Variants in CCDC171 observed in about 807,000 individuals in gnomAD.
The protein encoded by CCDC171 is coiled-coil domain-containing protein 171.
In CCDC171, 177 loss-of-function variants were observed where a neutral mutation model predicts 168.2. The ratio of observed to expected loss-of-function variants is 1.05; its 90% CI spans 0.93 to 1.19. The LOEUF (loss-of-function observed/expected upper bound fraction) is 1.19. CCDC171 is among the 50% of genes most tolerant of loss of function. The pLI is 0.00. For missense variants in CCDC171, 1,991 were observed against 1,539.0 expected, an observed-to-expected ratio of 1.29 and a Z score of -4.91; for synonymous variants, 687 against 540.8, an observed-to-expected ratio of 1.27 and a Z score of -3.75.
intron 4 of CCDC171, chr9:15,587,498 T>C: frequency 2.7e-6 from 1 of 367,812 alleles, no homozygotes; most frequent in Non-Finnish European, 5.5e-6. Flanking sequence ...AAACTGTAAG[T>C]CCAATAAACC....
intron 16 of CCDC171, 59 bp downstream of exon 16, chr9:15,729,857 C>T: frequency 2.5e-6 from 3 of 1,193,752 alleles, no homozygotes; most frequent in Non-Finnish European, 3.4e-6. Flanking sequence ...CCATTAGAAA[C>T]TTTTTTTTTT....
At chr9:15,630,526 C>T (rs1226773298) in intron 7 of CCDC171, among the ~76,000 whole-genome samples, 1 of 152,100 alleles carries the variant, frequency 6.6e-6, no homozygotes, top group Non-Finnish European at 1.5e-5. Context: ...ATTCATAAAG[C>T]AAGTCCTGAG....
rs949979233 is a variant in CCDC171, at chr9:15,945,925, T to C, written c.3753+25503T>C. 6.4e-4 allele frequency among the ~76,000 whole-genome samples: 97 copies of C among 150,780 alleles called. 1 individual carries two copies. Among genetic ancestry groups the C allele is most frequent in the African/African-American group, 2.2e-3 (89 of 41,360 alleles). On this transcript the variant is annotated intron_variant, in intron 25 of 25. Coordinates refer to ENST00000380701, the MANE Select transcript of CCDC171 (RefSeq NM_173550.4). ...CAATTTTGCCTTTGGTTGCCATTGC[T>C]TTTGGTGTTTTAGACATGAAGTCCT... is the stretch of plus-strand genomic sequence containing the variant.
chr9:16,037,634 G>A (rs995671658), intron 8 of CCDC171, among the ~76,000 whole-genome samples: 1 of 151,888 alleles, frequency 6.6e-6, no homozygotes, highest in Non-Finnish European at 1.5e-5. Flanking sequence ...AATATATAAG[G>A]TACCATGAAA....
chr9:15,999,562 C>T (rs1309839648), intron 3 of CCDC171, among the ~76,000 whole-genome samples: 1 of 152,136 alleles, frequency 6.6e-6, no homozygotes, highest in African/African-American at 2.4e-5. Flanking sequence ...CCAAGCCATC[C>T]CTAGGTCTTC....
At chr9:15,692,316 T>G (rs1371316137) in intron 10 of CCDC171, among the ~76,000 whole-genome samples, 1 of 151,766 alleles carries the variant, frequency 6.6e-6, no homozygotes, top group Non-Finnish European at 1.5e-5. Context: ...GAGGTTGCAC[T>G]GAGCCGAGAT....
chr9:15,677,337 A>C (rs2049655595), intron 9 of CCDC171, among the ~76,000 whole-genome samples: 1 of 152,110 alleles, frequency 6.6e-6, no homozygotes, highest in South Asian at 2.1e-4. Context: ...GAATATTCCT[A>C]ATCTAAAGGA....
intron 25 of CCDC171, among the ~76,000 whole-genome samples, chr9:15,953,742 A>C (rs1829465867): frequency 6.6e-6 from 1 of 152,134 alleles, no homozygotes; most frequent in Non-Finnish European, 1.5e-5. Flanking sequence ...GAGTTTGAGG[A>C]GGACTAATGT....
At chr9:15,793,637 C>T (rs1336242287) in intron 21 of CCDC171, among the ~76,000 whole-genome samples, 1 of 127,870 alleles carries the variant, frequency 7.8e-6, no homozygotes, top group Admixed American at 9.1e-5. Context: ...GCAAGCTCTA[C>T]TCTCCAGGTT....
rs552528826 is a variant in CCDC171, at chr9:15,789,698, C to T, written c.3267+5004C>T. Among the ~76,000 whole-genome samples, 36 of 152,140 alleles carry T rather than the reference C, an allele frequency of 2.4e-4. No individual in the cohort carries two copies. The South Asian group carries it at 3.3e-3, about 14-fold the overall frequency. ...ACATGTGCCATGTTGATGTGCTGCA[C>T]CCATTAACTAGTCATTTACATTAGG... On this transcript the variant is annotated intron_variant, in intron 21 of 25. Transcript: ENST00000380701.
intron 20 of CCDC171, among the ~76,000 whole-genome samples, chr9:15,779,855 T>C (rs117460052): frequency 0.01 from 1,561 of 152,324 alleles, 8 homozygotes; most frequent in Non-Finnish European, 0.017. Flanking sequence ...TGTCTAACTG[T>C]GTGAAGCACA....
intron 4 of CCDC171, among the ~76,000 whole-genome samples, chr9:15,582,220 A>G (rs867284138): frequency 6.6e-6 from 1 of 152,358 alleles, no homozygotes; most frequent in Middle Eastern, 3.4e-3. Flanking sequence ...AATCAAAACC[A>G]CAATGAGTTG....
intron 21 of CCDC171, among the ~76,000 whole-genome samples, chr9:15,794,191 A>G (rs976911993): frequency 3.3e-5 from 5 of 152,178 alleles, no homozygotes; most frequent in East Asian, 1.9e-4. Context: ...TGGACCGGGC[A>G]TAGTGGCTCA....
intron 25 of CCDC171, among the ~76,000 whole-genome samples, chr9:15,942,111 A>G (rs957301099): frequency 2.0e-5 from 3 of 151,934 alleles, no homozygotes; most frequent in Admixed American, 1.3e-4. Context: ...GTATAATTAT[A>G]ACATTAATTG....
chr9:15,652,364 C>A (rs1407788401), intron 7 of CCDC171, among the ~76,000 whole-genome samples: 4 of 151,972 alleles, frequency 2.6e-5, no homozygotes, highest in Admixed American at 6.6e-5. Context: ...GAGTTTATTT[C>A]TGGACTGTCA....
At chr9:16,003,830 G>A (rs1447304350) in intron 3 of CCDC171, among the ~76,000 whole-genome samples, 4 of 152,142 alleles carry the variant, frequency 2.6e-5, no homozygotes, top group African/African-American at 9.7e-5. Context: ...TATCCCTTTG[G>A]TGCTCATATT....
the CCDC171 span, among the ~76,000 whole-genome samples, chr9:16,069,557 G>A: frequency 3.9e-5 from 6 of 152,224 alleles, no homozygotes; most frequent in Admixed American, 2.0e-4. Flanking sequence ...GCTAACGCTC[G>A]GGGCACCGAA....
chr9:15,950,729 A>C (rs1016442719), intron 25 of CCDC171, among the ~76,000 whole-genome samples: 2 of 152,082 alleles, frequency 1.3e-5, no homozygotes, highest in Non-Finnish European at 2.9e-5. Flanking sequence ...TGAGCAAAAT[A>C]ACCAGCTAAC....
At chr9:15,864,953 T>C (rs1308748476) in intron 23 of CCDC171, among the ~76,000 whole-genome samples, 1 of 152,046 alleles carries the variant, frequency 6.6e-6, no homozygotes, top group African/African-American at 2.4e-5. Context: ...TTAACTGAAA[T>C]GTTCCCTATG....
Sources: allele counts gnomAD v4.1 joint callset (sites outside exome capture counted in the v4.1 genomes callset), GRCh38; gene constraint gnomAD v4.1.1; transcripts MANE v1.5; gene names NCBI Gene and HGNC (gene_info 2026-07-23, HGNC 2026-07-21).